Variants in AUTS2 observed in about 807,000 individuals in gnomAD.
AUTS2 encodes the protein activator of transcription and developmental regulator AUTS2.
In AUTS2, 17 loss-of-function variants were observed where a neutral mutation model predicts 112.4. That is an observed-to-expected ratio of 0.15 (90% CI 0.10 to 0.23). The LOEUF is 0.23. Ranked by LOEUF, AUTS2 falls within the 10% of genes least tolerant of loss-of-function variation. The probability of loss-of-function intolerance (pLI) is 1.00; values close to 1 mark genes in which losing one functional copy is unlikely to be tolerated. For missense variants in AUTS2, 1,510 were observed against 1,701.6 expected (o/e 0.89, Z 1.98); for synonymous variants, 751 against 702.7 (o/e 1.07, Z -1.09).
chr7:70,720,466 C>A (rs903142472), intron 6 of AUTS2, among the ~76,000 whole-genome samples: 21 of 152,258 alleles, frequency 1.4e-4, no homozygotes, highest in Middle Eastern at 3.4e-3. Context: ...CAGCATTCTT[C>A]CCCACGGGCA....
chr7:69,724,402 ATT>A (rs982277516), intron 1 of AUTS2, among the ~76,000 whole-genome samples: 118 of 152,274 alleles, frequency 7.7e-4, no homozygotes, highest in African/African-American at 2.6e-3. Context: ...ACCATGAGAC[ATT>A]TCATCATTGG....
chr7:69,968,319 T>C (rs371291277), intron 2 of AUTS2, among the ~76,000 whole-genome samples: 28 of 152,324 alleles, frequency 1.8e-4, no homozygotes, highest in African/African-American at 6.0e-4. Context: ...CTTTACTGTC[T>C]GTCAGGGGAT....
At chr7:70,691,433 A>C (rs76730464) in intron 5 of AUTS2, among the ~76,000 whole-genome samples, 1 of 134,554 alleles carries the variant, frequency 7.4e-6, no homozygotes, top group Admixed American at 7.5e-5. Flanking sequence ...AAAAAAAAAA[A>C]ACAATCTTCC....
intron 6 of AUTS2, among the ~76,000 whole-genome samples, chr7:70,738,961 T>G (rs1787932805): frequency 6.6e-6 from 1 of 150,672 alleles, no homozygotes; most frequent in Non-Finnish European, 1.5e-5. Context: ...AGGTTTTAAC[T>G]TAACTTTCTG....
intron 5 of AUTS2, among the ~76,000 whole-genome samples, chr7:70,541,904 C>T (rs1047543746): frequency 2.0e-5 from 3 of 152,224 alleles, no homozygotes; most frequent in African/African-American, 4.8e-5. Context: ...ACAAAAAGCA[C>T]GGTGTCTTCA....
At chr7:69,860,632 A>G (rs1472048341) in intron 1 of AUTS2, among the ~76,000 whole-genome samples, 1 of 152,116 alleles carries the variant, frequency 6.6e-6, no homozygotes, top group Admixed American at 6.5e-5. Context: ...ATTCAATTGT[A>G]AAGAGCTATA....
chr7:69,956,195 A>G (rs1797202465), intron 2 of AUTS2, among the ~76,000 whole-genome samples: 1 of 151,830 alleles, frequency 6.6e-6, no homozygotes, highest in Non-Finnish European at 1.5e-5. Context: ...CTGGCATCTC[A>G]TTCCAGGGAG....
intron 6 of AUTS2, among the ~76,000 whole-genome samples, chr7:70,745,624 G>A (rs1445419273): frequency 1.3e-5 from 2 of 152,118 alleles, no homozygotes; most frequent in African/African-American, 4.8e-5. Flanking sequence ...GACCACAGGC[G>A]TATACCTGGA....
intron 4 of AUTS2, among the ~76,000 whole-genome samples, chr7:70,346,924 C>T (rs1041027116): frequency 6.6e-6 from 1 of 152,160 alleles, no homozygotes; most frequent in African/African-American, 2.4e-5. Context: ...GACCACATGC[C>T]TCCCTTCTGG....
chr7:69,873,693 A>G (rs1386853827), intron 1 of AUTS2, among the ~76,000 whole-genome samples: 1 of 152,154 alleles, frequency 6.6e-6, no homozygotes, highest in Non-Finnish European at 1.5e-5. Flanking sequence ...TGCTGCAAGG[A>G]ACAGAAATGA....
At position 69,924,056 on chromosome 7, in the gene AUTS2, T is replaced by G. The variant is rs183127090; in HGVS notation, c.522+24558T>G. Among the ~76,000 whole-genome samples the G allele has an allele frequency of 5.3e-5, 8 of 152,362 alleles. No homozygotes were observed. In the East Asian group the frequency reaches 1.5e-3, roughly 29 times the overall value. Reference sequence around the variant, plus strand: ...GGGGGAAAGACAGAATCTTTTGCCATTAATTCTGAGCTTAGCTATACGTTT... The same window carrying G: ...GGGGGAAAGACAGAATCTTTTGCCAGTAATTCTGAGCTTAGCTATACGTTT... On this transcript the variant is annotated intron_variant, in intron 2 of 18. Coordinates refer to ENST00000342771, the MANE Select transcript of AUTS2 (RefSeq NM_015570.4).
chr7:70,009,101 G>C (rs1799674580), intron 2 of AUTS2, among the ~76,000 whole-genome samples: 1 of 152,048 alleles, frequency 6.6e-6, no homozygotes, highest in South Asian at 2.1e-4. Flanking sequence ...ATAAGAGTAT[G>C]GTGCTGGCAT....
At chr7:70,380,475 T>G (rs932646388) in intron 4 of AUTS2, among the ~76,000 whole-genome samples, 6 of 152,184 alleles carry the variant, frequency 3.9e-5, no homozygotes, top group African/African-American at 1.4e-4. Flanking sequence ...AGTCCCCCTT[T>G]CCGCTGGCAG....
At chr7:70,469,227 G>A (rs2115826048) in intron 5 of AUTS2, among the ~76,000 whole-genome samples, 1 of 152,316 alleles carries the variant, frequency 6.6e-6, no homozygotes, top group East Asian at 1.9e-4. Flanking sequence ...AGAAATGTGT[G>A]TGGTGTCTGC....
intron 1 of AUTS2, among the ~76,000 whole-genome samples, chr7:69,613,492 C>T (rs769262526): frequency 2.0e-5 from 3 of 152,110 alleles, no homozygotes; most frequent in African/African-American, 4.8e-5. Flanking sequence ...GATTTTAAAC[C>T]ATTGTCAAAG....
At chr7:69,870,280 T>G (rs1793422759) in intron 1 of AUTS2, among the ~76,000 whole-genome samples, 5 of 151,732 alleles carry the variant, frequency 3.3e-5, no homozygotes, top group Admixed American at 2.6e-4. Flanking sequence ...ACTTTTTTCC[T>G]TGATGTATAA....
chr7:69,826,787 T>A (rs1463409525), intron 1 of AUTS2, among the ~76,000 whole-genome samples: 1 of 152,204 alleles, frequency 6.6e-6, no homozygotes, highest in Non-Finnish European at 1.5e-5. Flanking sequence ...GATGATAATG[T>A]TAAAGCTTAA....
chr7:69,626,333 A>AT (rs987928361), intron 1 of AUTS2, among the ~76,000 whole-genome samples: 12 of 150,866 alleles, frequency 8.0e-5, no homozygotes, highest in African/African-American at 1.5e-4. Flanking sequence ...AATTATTATT[A>AT]TTTTTTTTTG....
At chr7:70,253,480 C>T (rs866561349) in intron 4 of AUTS2, among the ~76,000 whole-genome samples, 7 of 152,154 alleles carry the variant, frequency 4.6e-5, no homozygotes, top group Admixed American at 6.5e-5. Context: ...CCTTTCCTTA[C>T]TTGTTTGGTA....
Sources: allele counts gnomAD v4.1 joint callset (sites outside exome capture counted in the v4.1 genomes callset), GRCh38; gene constraint gnomAD v4.1.1; transcripts MANE v1.5; gene names NCBI Gene and HGNC (gene_info 2026-07-23, HGNC 2026-07-21).